The following ZDHHC2 variants were observed in gnomAD, a reference collection of about 807,000 sequenced individuals.
ZDHHC2 encodes the protein palmitoyltransferase ZDHHC2.
A neutral mutation model predicts 55.6 loss-of-function variants in ZDHHC2; 51 were observed. The observed-to-expected ratio is 0.92, with a 90% confidence interval of 0.73 to 1.16. ZDHHC2 has a LOEUF of 1.16. Ranked by LOEUF, ZDHHC2 falls within the 50% of genes most tolerant of loss-of-function variation. The pLI is 0.00. For missense variants in ZDHHC2, 491 were observed against 442.4 expected, an observed-to-expected ratio of 1.11 and a Z score of -0.99; for synonymous variants, 199 against 152.9, an observed-to-expected ratio of 1.30 and a Z score of -2.22.
At chr8:17,203,254 A>G (rs1417267247) in intron 6 of ZDHHC2, among the ~76,000 whole-genome samples, 7 of 150,342 alleles carry the variant, frequency 4.7e-5, no homozygotes, top group Non-Finnish European at 7.4e-5. Context: ...TACTTTATTA[A>G]TTAACTTTTG....
chr8:17,167,098 C>T (rs1265998884), intron 1 of ZDHHC2, among the ~76,000 whole-genome samples: 4 of 152,046 alleles, frequency 2.6e-5, no homozygotes, highest in Admixed American at 6.6e-5. Flanking sequence ...GAGGTTAACA[C>T]GTACTAACAT....
intron 1 of ZDHHC2, among the ~76,000 whole-genome samples, chr8:17,158,349 AT>A (rs1240573804): frequency 1.3e-5 from 2 of 152,234 alleles, no homozygotes; most frequent in Non-Finnish European, 2.9e-5. Flanking sequence ...ATCGATTAAT[AT>A]AACCTGCAAA....
At chr8:17,201,479 CT>C (rs1386015426) in intron 6 of ZDHHC2, among the ~76,000 whole-genome samples, 1 of 88,194 alleles carries the variant, frequency 1.1e-5, no homozygotes, top group Non-Finnish European at 2.5e-5. Context: ...CTCTCTCTCT[CT>C]CTTTTTTTTT....
At chr8:17,167,304 C>CTTT (rs371848954) in intron 1 of ZDHHC2, among the ~76,000 whole-genome samples, 13 of 108,748 alleles carry the variant, frequency 1.2e-4, no homozygotes, top group African/African-American at 2.8e-4. Flanking sequence ...TTTTTTTTAA[C>CTTT]TTTTTTTTTT....
At chr8:17,201,961 A>G (rs886845590) in intron 6 of ZDHHC2, among the ~76,000 whole-genome samples, 6 of 152,130 alleles carry the variant, frequency 3.9e-5, no homozygotes, top group Non-Finnish European at 2.9e-5. Context: ...CTGGGGATCA[A>G]TCTCATACTT....
intron 1 of ZDHHC2, among the ~76,000 whole-genome samples, chr8:17,158,586 T>G (rs1804181511): frequency 6.6e-6 from 1 of 152,236 alleles, no homozygotes. Flanking sequence ...GGGAAGGAAC[T>G]AAATGGAAAA....
rs1411214124 is a variant in ZDHHC2 at position 17,223,958 on chromosome 8, G to A, written c.*3737G>A. 6.6e-6 allele frequency: 1 copy of A among 151,666 alleles called. No individual in the cohort carries two copies. The highest frequency in any genetic ancestry group is 6.6e-5 in the Admixed American group (1 of 15,190). The allele number at this position is 151,666 out of a possible 1,614,324, so 9.4% of individuals were successfully genotyped here. A position where few individuals can be genotyped will look rare whatever the true frequency, so the allele number is the denominator to read the frequency against. ...AGGCTTGTTTCAAAGAGACTCCTGT[G>A]AATCAACTATGAATATGAAGTATCT... On this transcript the variant is annotated 3_prime_UTR_variant, in exon 13 of 13. Coordinates refer to ENST00000262096, the MANE Select transcript of ZDHHC2 (RefSeq NM_016353.5).
chr8:17,162,158 TC>T (rs1804379996), intron 1 of ZDHHC2, among the ~76,000 whole-genome samples: 1 of 152,228 alleles, frequency 6.6e-6, no homozygotes, highest in Non-Finnish European at 1.5e-5. Context: ...GTCAGAGACT[TC>T]CTTTTCTTTT....
chr8:17,186,681 A>G (rs977942759), intron 3 of ZDHHC2, among the ~76,000 whole-genome samples: 1 of 152,190 alleles, frequency 6.6e-6, no homozygotes, highest in African/African-American at 2.4e-5. Flanking sequence ...AGACATCAGG[A>G]TGGATGGATA....
At chr8:17,183,853 T>C (rs1401173944) in intron 1 of ZDHHC2, among the ~76,000 whole-genome samples, 1 of 152,018 alleles carries the variant, frequency 6.6e-6, no homozygotes, top group African/African-American at 2.4e-5. Flanking sequence ...TAGAAATGCC[T>C]GAACTTATAT....
intron 6 of ZDHHC2, among the ~76,000 whole-genome samples, chr8:17,205,131 T>C (rs1047336702): frequency 6.6e-6 from 1 of 152,226 alleles, no homozygotes; most frequent in Non-Finnish European, 1.5e-5. Context: ...CTGACCCAGC[T>C]GTCTAACTGC....
intron 10 of ZDHHC2, among the ~76,000 whole-genome samples, chr8:17,213,915 C>G (rs1473170633): frequency 3.3e-5 from 5 of 151,784 alleles, no homozygotes; most frequent in Non-Finnish European, 7.4e-5. Context: ...TAAGATTTAC[C>G]TCCAAAATTT....
chr8:17,214,714 G>A (rs913451560), intron 10 of ZDHHC2, among the ~76,000 whole-genome samples: 1 of 152,028 alleles, frequency 6.6e-6, no homozygotes, highest in Non-Finnish European at 1.5e-5. Flanking sequence ...TTTGTGATCA[G>A]GCTGGGCAAC....
intron 3 of ZDHHC2, among the ~76,000 whole-genome samples, chr8:17,193,650 C>T (rs747874130): frequency 2.6e-5 from 4 of 152,242 alleles, no homozygotes; most frequent in Non-Finnish European, 5.9e-5. Context: ...CGGCCCTGGC[C>T]GGGTTCAGAG....
At chr8:17,186,653 C>A (rs1805726712) in intron 3 of ZDHHC2, among the ~76,000 whole-genome samples, 1 of 152,070 alleles carries the variant, frequency 6.6e-6, no homozygotes, top group Non-Finnish European at 1.5e-5. Flanking sequence ...TTATGAATTC[C>A]ATTTCCACTT....
intron 6 of ZDHHC2, 104 bp from the exon 7 acceptor site, chr8:17,205,551 G>GAAGTAAATAATT: frequency 7.9e-7 from 1 of 1,258,176 alleles, no homozygotes; most frequent in Non-Finnish European, 1.1e-6. Flanking sequence ...TTAAAGAAAT[G>GAAGTAAATAATT]CCAATAAATT....
At chr8:17,166,128 G>A (rs1420556226) in intron 1 of ZDHHC2, among the ~76,000 whole-genome samples, 1 of 152,190 alleles carries the variant, frequency 6.6e-6, no homozygotes, top group Non-Finnish European at 1.5e-5. Flanking sequence ...GAGTCCAGAG[G>A]TGATGCACTG....
intron 3 of ZDHHC2, among the ~76,000 whole-genome samples, chr8:17,189,363 C>T (rs1484524253): frequency 2.0e-5 from 3 of 152,130 alleles, no homozygotes; most frequent in Non-Finnish European, 2.9e-5. Flanking sequence ...CATGGCAACA[C>T]ACTGCATATT....
Position 17,224,476 on chromosome 8 carries a change from C to T in ZDHHC2, c.*4255C>T, listed in dbSNP as rs1250260228. On this transcript the variant is annotated 3_prime_UTR_variant, in exon 13 of 13. Transcript: ENST00000262096. ...GTACTACTTTATGGTTTATGAAAAC[C>T]TATGATTTATGTTGCATCTTCCGGG... 1 of 151,382 alleles carries T rather than the reference C, an allele frequency of 6.6e-6. No homozygotes were observed. The highest frequency in any genetic ancestry group is 2.4e-5 in the African/African-American group (1 of 41,282). 9.4% of individuals were successfully genotyped at this position (151,382 alleles called of 1,614,324 possible). A position where few individuals can be genotyped will look rare whatever the true frequency, so the allele number is the denominator to read the frequency against.
Sources: gnomAD v4.1 joint callset for allele counts (sites outside exome capture counted in the v4.1 genomes callset) on GRCh38, gnomAD v4.1.1 for gene constraint, MANE v1.5 for transcripts, NCBI Gene and HGNC (gene_info 2026-07-23, HGNC 2026-07-21) for gene names.